FAM227B: variants seen among roughly 807,000 people sequenced by gnomAD.
FAM227B encodes family with sequence similarity 227 member B.
A neutral mutation model predicts 73.8 loss-of-function variants in FAM227B; 88 were observed. The observed-to-expected ratio is 1.19, with a 90% CI of 1.00 to 1.42. The LOEUF (loss-of-function observed/expected upper bound fraction) is 1.42. FAM227B is among the 40% of genes most tolerant of loss of function. The probability of loss-of-function intolerance (pLI) is 0.00; values close to 1 mark genes in which losing one functional copy is unlikely to be tolerated. For missense variants in FAM227B, 632 were observed against 590.9 expected (o/e 1.07, Z -0.72); for synonymous variants, 210 against 190.5 (o/e 1.10, Z -0.84).
intron 11 of FAM227B, among the ~76,000 whole-genome samples, chr15:49,492,546 C>T (rs778599925): frequency 2.0e-5 from 3 of 151,640 alleles, no homozygotes; most frequent in Non-Finnish European, 3.0e-5. Context: ...TTCATCTGTC[C>T]AACTTTTATG....
intron 3 of FAM227B, among the ~76,000 whole-genome samples, chr15:49,593,357 T>C (rs1318429140): frequency 6.6e-6 from 1 of 152,204 alleles, no homozygotes; most frequent in African/African-American, 2.4e-5. Context: ...TATTTTACAG[T>C]TTTCAGCATA....
chr15:49,620,490 CTCT>C (rs1261269037), intron 1 of FAM227B: 1 of 152,180 alleles, frequency 6.6e-6, no homozygotes. Flanking sequence ...ACACAAAGTA[CTCT>C]TAACTCTATA....
chr15:49,589,905 G>C lies in FAM227B; in HGVS notation c.208C>G (p.Leu70Val). ...AATATTCGAGGAACATTTTCCCATA[G>C]GTGTGTATAAATTGAAACAAATGAA... ...DSSFVSIYTH[L>V]WENVPRIFEA... Residue 70 changes from leucine to valine, a missense_variant, in exon 4 of 16, where the codon CTA becomes GTA. Leu to Val is a conservative substitution (Grantham distance 32). Coordinates refer to ENST00000299338, the MANE Select transcript of FAM227B (RefSeq NM_152647.3). The C allele has an allele frequency of 1.9e-6, 3 of 1,591,462 alleles. No homozygotes were observed. The highest frequency in any genetic ancestry group is 2.6e-6 in the Non-Finnish European group (3 of 1,159,548).
intron 13 of FAM227B, among the ~76,000 whole-genome samples, chr15:49,360,006 G>T (rs1249242011): frequency 6.9e-6 from 1 of 144,976 alleles, no homozygotes. Flanking sequence ...ACCAAACACC[G>T]CATATTCTCA....
At chr15:49,457,269 C>CTTA in intron 11 of FAM227B, among the ~76,000 whole-genome samples, 2 of 151,930 alleles carry the variant, frequency 1.3e-5, no homozygotes, top group Middle Eastern at 6.8e-3. Context: ...ATTCCAAATG[C>CTTA]GGTAACAACG....
At chr15:49,454,376 A>G (rs1597303070) in intron 11 of FAM227B, among the ~76,000 whole-genome samples, 1 of 152,150 alleles carries the variant, frequency 6.6e-6, no homozygotes, top group African/African-American at 2.4e-5. Flanking sequence ...AAAAACACTA[A>G]TATCATCCTA....
chr15:49,369,051 C>T (rs1051512574), intron 12 of FAM227B, among the ~76,000 whole-genome samples: 3 of 152,118 alleles, frequency 2.0e-5, no homozygotes, highest in East Asian at 3.9e-4. Flanking sequence ...CTCTGCCTCC[C>T]GGGTTCACGC....
chr15:49,497,512 A>T (rs1202140768), intron 11 of FAM227B, among the ~76,000 whole-genome samples: 1 of 152,188 alleles, frequency 6.6e-6, no homozygotes, highest in South Asian at 2.1e-4. Context: ...AAAATCAATG[A>T]GTTGGGGGAG....
At chr15:49,539,784 T>C (rs1489941057) in intron 10 of FAM227B, among the ~76,000 whole-genome samples, 2 of 152,102 alleles carry the variant, frequency 1.3e-5, no homozygotes, top group Non-Finnish European at 2.9e-5. Flanking sequence ...CTGGTGTCCA[T>C]AGGAGGTGTT....
chr15:49,358,025 C>T (rs368266095), intron 13 of FAM227B, among the ~76,000 whole-genome samples: 2 of 151,932 alleles, frequency 1.3e-5, no homozygotes, highest in Non-Finnish European at 2.9e-5. Context: ...AAGCCTTTGA[C>T]AAAATTCAAC....
chr15:49,368,074 A>C (rs866593425), intron 12 of FAM227B, among the ~76,000 whole-genome samples: 4 of 152,074 alleles, frequency 2.6e-5, no homozygotes, highest in Admixed American at 2.0e-4. Context: ...CAAAAGCAAG[A>C]GTAAGCAACT....
At chr15:49,404,474 T>G (rs1248428108) in intron 11 of FAM227B, among the ~76,000 whole-genome samples, 1 of 152,162 alleles carries the variant, frequency 6.6e-6, no homozygotes, top group Non-Finnish European at 1.5e-5. Flanking sequence ...TTTAGGATAG[T>G]TAGGTCTTCT....
rs1351577880 is a variant in FAM227B at position 49,508,259 on chromosome 15, T to C, written c.964A>G (p.Lys322Glu). The C allele has an allele frequency of 1.2e-6, 2 of 1,611,330 alleles. No individual in the cohort carries two copies. ...TIHGSKKAPA[K>E]SVKERIADSQ... ...TCTGCAATTCTTTCCTTTACTGATT[T>C]TGCAGGTGCTTTTTTGCTACCATGA... The change falls in exon 11 of 16, where the codon AAA (lysine) becomes GAA (glutamate). Residue 322 changes from lysine to glutamate, a missense_variant. Physicochemically the swap from Lys to Glu is moderately conservative, Grantham distance 56. Coordinates refer to ENST00000299338, the MANE Select transcript of FAM227B (RefSeq NM_152647.3).
intron 11 of FAM227B, among the ~76,000 whole-genome samples, chr15:49,435,542 T>G (rs574398603): frequency 6.6e-6 from 1 of 151,568 alleles, no homozygotes; most frequent in Non-Finnish European, 1.5e-5. Context: ...TCCCTTCTTG[T>G]ATAAATAATG....
intron 3 of FAM227B, among the ~76,000 whole-genome samples, chr15:49,591,029 G>GTTTTTTTTTTTTTTGTTTTTTTTTTTTTT (rs2076507060): frequency 2.8e-5 from 3 of 105,604 alleles, no homozygotes; most frequent in South Asian, 3.2e-4. Flanking sequence ...TCTTTTTTTT[G>GTTTTTTTTTTTTTTGTTTTTTTTTTTTTT]TTTTTTTTTT....
chr15:49,343,585 C>T (rs949975294), intron 13 of FAM227B: 2 of 152,176 alleles, frequency 1.3e-5, no homozygotes, highest in Non-Finnish European at 2.9e-5. Flanking sequence ...GAAGTTTCTT[C>T]CCAGTTAAGG....
At chr15:49,524,277 T>C (rs2059992590) in intron 10 of FAM227B, among the ~76,000 whole-genome samples, 1 of 152,130 alleles carries the variant, frequency 6.6e-6, no homozygotes, top group Non-Finnish European at 1.5e-5. Context: ...CCTAGGGACT[T>C]GGTTTCCTGT....
chr15:49,445,094 A>G (rs1383121401), intron 11 of FAM227B, among the ~76,000 whole-genome samples: 1 of 151,574 alleles, frequency 6.6e-6, no homozygotes, highest in East Asian at 1.9e-4. Flanking sequence ...CCAGACTAAA[A>G]TTTCATAATT....
At chr15:49,589,675 G>C in intron 4 of FAM227B, 101 bp downstream of exon 4, 1 of 721,264 alleles carries the variant, frequency 1.4e-6, no homozygotes, top group Non-Finnish European at 2.4e-6. Context: ...CACTTTTGGA[G>C]GGTGACTCAG....
Sources: gnomAD v4.1 joint callset for allele counts (sites outside exome capture counted in the v4.1 genomes callset) on GRCh38, gnomAD v4.1.1 for gene constraint, MANE v1.5 for transcripts, NCBI Gene and HGNC (gene_info 2026-07-23, HGNC 2026-07-21) for gene names.